KCNIP1: variants seen among roughly 807,000 people sequenced by gnomAD.
KCNIP1 encodes the protein potassium voltage-gated channel interacting protein 1, also known as A-type potassium channel modulatory protein KCNIP1.
KCNIP1 carries 18 observed loss-of-function variants against 33.0 expected under a neutral mutation model. The ratio of observed to expected loss-of-function variants is 0.55; its 90% confidence interval spans 0.38 to 0.81. KCNIP1 has a LOEUF of 0.81. KCNIP1 is among the 30% of genes least tolerant of loss of function. The probability of loss-of-function intolerance (pLI) is 0.00; values close to 1 mark genes in which losing one functional copy is unlikely to be tolerated. For missense variants in KCNIP1, 238 were observed against 271.6 expected (o/e 0.88, Z 0.87); for synonymous variants, 93 against 98.3 (o/e 0.95, Z 0.32).
chr5:170,405,533 A>G (rs1755013389), intron 1 of KCNIP1, among the ~76,000 whole-genome samples: 2 of 152,120 alleles, frequency 1.3e-5, no homozygotes, highest in South Asian at 2.1e-4. Flanking sequence ...AGCAGCCTGG[A>G]CTCAGGCATC....
chr5:170,678,181 G>A (rs1048731448), intron 1 of KCNIP1, among the ~76,000 whole-genome samples: 4 of 152,218 alleles, frequency 2.6e-5, no homozygotes, highest in African/African-American at 9.6e-5. Flanking sequence ...CAGGTTTTCT[G>A]ATAAACAATT....
intron 1 of KCNIP1, among the ~76,000 whole-genome samples, chr5:170,412,879 C>T (rs897429556): frequency 1.3e-5 from 2 of 152,150 alleles, no homozygotes; most frequent in African/African-American, 4.8e-5. Flanking sequence ...TCTGTAGCCC[C>T]ACCCCCTCAT....
intron 1 of KCNIP1, among the ~76,000 whole-genome samples, chr5:170,462,264 C>CAAAAAAAAAAAAAAAAAAAAAAAA (rs760686464): frequency 1.3e-4 from 7 of 52,032 alleles, no homozygotes; most frequent in South Asian, 8.2e-4. Flanking sequence ...AACAAATTAG[C>CAAAAAAAAAAAAAAAAAAAAAAAA]AAAAAAAAAA....
intron 1 of KCNIP1, among the ~76,000 whole-genome samples, chr5:170,465,135 C>G (rs2113117810): frequency 6.6e-6 from 1 of 152,272 alleles, no homozygotes; most frequent in Middle Eastern, 3.4e-3. Context: ...ATGCAGACAC[C>G]CAGAGCTGGC....
At chr5:170,530,904 G>A (rs1447345388) in intron 1 of KCNIP1, among the ~76,000 whole-genome samples, 1 of 152,136 alleles carries the variant, frequency 6.6e-6, no homozygotes, top group Non-Finnish European at 1.5e-5. Flanking sequence ...GGAGATAGTG[G>A]GGTCTTTCCT....
intron 1 of KCNIP1, chr5:170,681,347 A>C: frequency 2.6e-6 from 1 of 380,534 alleles, no homozygotes. Flanking sequence ...GTCGCGCCCC[A>C]GTGCTGCGCT....
At chr5:170,413,648 A>G (rs1328451478) in intron 1 of KCNIP1, among the ~76,000 whole-genome samples, 1 of 152,178 alleles carries the variant, frequency 6.6e-6, no homozygotes, top group African/African-American at 2.4e-5. Context: ...CACATTGGAC[A>G]TGACTTTTAC....
At chr5:170,546,764 G>T (rs919698089) in intron 1 of KCNIP1, among the ~76,000 whole-genome samples, 6 of 151,828 alleles carry the variant, frequency 4.0e-5, no homozygotes, top group Non-Finnish European at 8.8e-5. Flanking sequence ...ACCTTATCTT[G>T]TTATTTTTAA....
At chr5:170,551,704 C>T (rs1043281835) in intron 1 of KCNIP1, among the ~76,000 whole-genome samples, 2 of 150,250 alleles carry the variant, frequency 1.3e-5, no homozygotes, top group African/African-American at 4.9e-5. Flanking sequence ...GTATGTGTGG[C>T]GTGTGACTGT....
chr5:170,474,621 T>C (rs1328082615), intron 1 of KCNIP1, among the ~76,000 whole-genome samples: 1 of 152,226 alleles, frequency 6.6e-6, no homozygotes, highest in Non-Finnish European at 1.5e-5. Flanking sequence ...CATAGACTCC[T>C]CTAGCTTCAG....
rs181933405 is a variant in KCNIP1, at chr5:170,598,920, T to C, written c.61+94287T>C. 5.3e-5 allele frequency among the ~76,000 whole-genome samples: 8 copies of C among 150,200 alleles called. No homozygotes were observed. In the East Asian group the frequency reaches 1.4e-3, roughly 26 times the overall value. On this transcript the variant is annotated intron_variant, in intron 1 of 7. Transcript: ENST00000328939. Reference sequence around the variant, plus strand: ...GTGTGTGCGCGTGTGTGTGTGTGTGTGTGTGTGTGTGTGTGTGTGTGTTTG... The same window carrying C: ...GTGTGTGCGCGTGTGTGTGTGTGTGCGTGTGTGTGTGTGTGTGTGTGTTTG...
intron 1 of KCNIP1, among the ~76,000 whole-genome samples, chr5:170,358,021 G>A (rs1045237890): frequency 7.2e-5 from 11 of 152,186 alleles, no homozygotes; most frequent in Admixed American, 5.9e-4. Context: ...GGGGTCTGGG[G>A]AACCTGCGTC....
chr5:170,629,179 G>C (rs1314304904), intron 1 of KCNIP1, among the ~76,000 whole-genome samples: 7 of 152,210 alleles, frequency 4.6e-5, no homozygotes, highest in Non-Finnish European at 1.0e-4. Context: ...CACTCTGGGA[G>C]ACAGACTCTC....
chr5:170,452,784 G>A (rs1581206320), intron 1 of KCNIP1, among the ~76,000 whole-genome samples: 1 of 152,186 alleles, frequency 6.6e-6, no homozygotes, highest in Admixed American at 6.5e-5. Flanking sequence ...AACTATAATT[G>A]AATTTTCTGA....
At chr5:170,503,068 G>A (rs1467788743), upstream of KCNIP1, among the ~76,000 whole-genome samples, 1 of 152,086 alleles carries the variant, frequency 6.6e-6, no homozygotes. Context: ...GGGAGAAGAG[G>A]TAGAACCAAG....
chr5:170,603,146 C>T (rs1758764142), intron 1 of KCNIP1, among the ~76,000 whole-genome samples: 1 of 151,952 alleles, frequency 6.6e-6, no homozygotes, highest in South Asian at 2.1e-4. Context: ...CTTTCCAATG[C>T]ATAATGTGCA....
chr5:170,425,753 G>A (rs1315120839), intron 1 of KCNIP1, among the ~76,000 whole-genome samples: 3 of 152,198 alleles, frequency 2.0e-5, no homozygotes, highest in Admixed American at 6.5e-5. Flanking sequence ...CTCTCCAGGT[G>A]AGGGCTCTGG....
intron 1 of KCNIP1, among the ~76,000 whole-genome samples, chr5:170,393,611 G>T (rs1754673272): frequency 6.6e-6 from 1 of 152,212 alleles, no homozygotes. Context: ...GTAATAAAAG[G>T]CAGAGGAAAT....
At chr5:170,501,311 G>A (rs56653444), upstream of KCNIP1, among the ~76,000 whole-genome samples, 2,808 of 152,210 alleles carry the variant, frequency 0.018, 65 homozygotes, top group East Asian at 0.052. Context: ...GGAACAGCAC[G>A]TGCAAAGGCC....
Sources: gnomAD v4.1 joint callset for allele counts (sites outside exome capture counted in the v4.1 genomes callset) on GRCh38, gnomAD v4.1.1 for gene constraint, MANE v1.5 for transcripts, NCBI Gene and HGNC (gene_info 2026-07-23, HGNC 2026-07-21) for gene names.